The following PPP2R2A variants were observed in gnomAD, a reference collection of about 807,000 sequenced individuals.
PPP2R2A encodes serine/threonine-protein phosphatase 2A 55 kDa regulatory subunit B alpha isoform.
PPP2R2A carries 9 observed loss-of-function variants against 53.2 expected under a neutral mutation model. That is an observed-to-expected ratio of 0.17 (90% confidence interval 0.10 to 0.30). The LOEUF (loss-of-function observed/expected upper bound fraction) is 0.30, where lower values mean the gene tolerates loss of function less well. PPP2R2A is among the 10% of genes least tolerant of loss of function. The pLI is 1.00. For synonymous variants in PPP2R2A, 169 were observed against 174.2 expected, an observed-to-expected ratio of 0.97 and a Z score of 0.23; for missense variants, 235 against 534.6, an observed-to-expected ratio of 0.44 and a Z score of 5.53.
intron 3 of PPP2R2A, among the ~76,000 whole-genome samples, chr8:26,346,352 G>T (rs1272289775): frequency 2.0e-5 from 3 of 152,084 alleles, no homozygotes; most frequent in Non-Finnish European, 4.4e-5. Flanking sequence ...TGCTGACCGG[G>T]CTGGTCTCAA....
At chr8:26,324,647 A>G (rs1803000377) in intron 2 of PPP2R2A, among the ~76,000 whole-genome samples, 1 of 148,924 alleles carries the variant, frequency 6.7e-6, no homozygotes, top group African/African-American at 2.6e-5. Flanking sequence ...TGCCTCGCCA[A>G]GCTGTGAGAA....
At chr8:26,339,151 A>ATGTGTGCATG (rs560459954) in intron 3 of PPP2R2A, among the ~76,000 whole-genome samples, 164 bp downstream of exon 3, 2 of 152,202 alleles carry the variant, frequency 1.3e-5, no homozygotes, top group African/African-American at 2.4e-5. Context: ...TTAGCTTTGT[A>ATGTGTGCATG]TGTGTGCATG....
chr8:26,320,684 T>C (rs1316139337), intron 2 of PPP2R2A, among the ~76,000 whole-genome samples: 1 of 152,210 alleles, frequency 6.6e-6, no homozygotes, highest in Non-Finnish European at 1.5e-5. Context: ...ATATTGTTAG[T>C]GTTGCTGTGC....
chr8:26,338,934 C>T lies in PPP2R2A; in HGVS notation c.127C>T (p.Leu43=). ...AGAATTTAATCATTCTGGAGAATTACTAGCAACAGGAGATAAAGGTGGTAG... is the reference window on the plus strand; with the variant it reads ...AGAATTTAATCATTCTGGAGAATTATTAGCAACAGGAGATAAAGGTGGTAG... ...TVEFNHSGEL[L]ATGDKGGRVV... The change falls in exon 3 of 10, where the codon CTA becomes TTA. Residue 43 remains leucine (L), a synonymous_variant. Coordinates refer to ENST00000380737, the MANE Select transcript of PPP2R2A (RefSeq NM_002717.4). The surrounding 1 kb of genome is among the most constrained non-coding windows in gnomAD (Gnocchi z 4.5). The T allele has an allele frequency of 6.2e-7, 1 of 1,606,536 alleles. No homozygotes were observed. The highest frequency in any genetic ancestry group is 2.2e-5 in the East Asian group (1 of 44,662).
intron 2 of PPP2R2A, among the ~76,000 whole-genome samples, chr8:26,319,737 T>C (rs1382633048): frequency 6.6e-6 from 1 of 152,188 alleles, no homozygotes; most frequent in African/African-American, 2.4e-5. Context: ...TTTTTTTTTA[T>C]TTATACAAAA....
chr8:26,363,541 T>A (rs1297454501), intron 7 of PPP2R2A, 180 bp from the exon 8 acceptor site: 1 of 526,020 alleles, frequency 1.9e-6, no homozygotes, highest in Non-Finnish European at 3.2e-6. Context: ...ACTTCAATAT[T>A]CAATTAAACT....
intron 2 of PPP2R2A, among the ~76,000 whole-genome samples, chr8:26,295,371 A>G (rs1801498063): frequency 6.6e-6 from 1 of 152,238 alleles, no homozygotes. Context: ...AACTTGTGAT[A>G]TACATTAAGT....
intron 2 of PPP2R2A, among the ~76,000 whole-genome samples, chr8:26,302,988 C>G (rs1247406299): frequency 2.0e-5 from 3 of 152,220 alleles, no homozygotes; most frequent in Non-Finnish European, 4.4e-5. Context: ...TTGGTTTAGT[C>G]TGTTCATAGA....
chr8:26,357,920 TAC>T (rs1418281433), intron 4 of PPP2R2A, among the ~76,000 whole-genome samples: 1 of 152,100 alleles, frequency 6.6e-6, no homozygotes, highest in Non-Finnish European at 1.5e-5. Context: ...TAATCTCACA[TAC>T]AGTTTTATGG....
At chr8:26,330,534 T>C (rs1232976495) in intron 2 of PPP2R2A, among the ~76,000 whole-genome samples, 1 of 152,104 alleles carries the variant, frequency 6.6e-6, no homozygotes, top group East Asian at 1.9e-4. Context: ...TTTCATACGT[T>C]GGCCAGACTG....
chr8:26,354,949 A>G lies in PPP2R2A; in HGVS notation c.346+316A>G, dbSNP rs1228277998. Among the ~76,000 whole-genome samples the G allele has an allele frequency of 6.6e-6, 1 of 152,224 alleles. No individual in the cohort carries two copies. The highest frequency in any genetic ancestry group is 6.5e-5 in the Admixed American group (1 of 15,292). On this transcript the variant is annotated intron_variant, in intron 4 of 9. Coordinates refer to ENST00000380737, the MANE Select transcript of PPP2R2A (RefSeq NM_002717.4). This position sits in a 1 kb window ranked among gnomAD's most constrained non-coding sequence, Gnocchi z 4.6. ...ATCTTGGGCAGGTTACTAACACTGAATTGAATTTTCCTCAGCAGCAAACTA... is the reference window on the plus strand; with the variant it reads ...ATCTTGGGCAGGTTACTAACACTGAGTTGAATTTTCCTCAGCAGCAAACTA...
Position 26,372,633 on chromosome 8 carries a change from A to G in PPP2R2A, c.*2220A>G, listed in dbSNP as rs1805702079. On this transcript the variant is annotated 3_prime_UTR_variant, in exon 10 of 10. Transcript: ENST00000380737. ...CTCTAAGCCCAGCCACTCATTTTAC[A>G]TGGCCATGGTTAATCTTTTTATTAA... is the stretch of plus-strand genomic sequence containing the variant. 1 of 152,192 alleles carries G rather than the reference A, an allele frequency of 6.6e-6. No individual in the cohort carries two copies. Among genetic ancestry groups the G allele is most frequent in the Non-Finnish European group, 1.5e-5 (1 of 68,032 alleles). 9.4% of individuals were successfully genotyped at this position (152,192 alleles called of 1,614,324 possible).
chr8:26,340,552 A>C (rs1803889661), intron 3 of PPP2R2A, among the ~76,000 whole-genome samples: 1 of 152,106 alleles, frequency 6.6e-6, no homozygotes, highest in Non-Finnish European at 1.5e-5. Flanking sequence ...TGAGGGTTTC[A>C]GAAAGTCTTC....
At chr8:26,325,391 C>T (rs749655533) in intron 2 of PPP2R2A, among the ~76,000 whole-genome samples, 2 of 151,998 alleles carry the variant, frequency 1.3e-5, no homozygotes, top group Non-Finnish European at 2.9e-5. Flanking sequence ...TTTCACCTCC[C>T]GTCATGATTC....
In PPP2R2A at chr8:26,291,703, C is replaced by A. The variant is rs915117015; in HGVS notation, c.-117C>A. The stretch of plus-strand genomic sequence containing the variant: ...CCCCCCGGCCCCCGTCCCCTCCCCC[C>A]GCAGGTGCCATCCGCCGCCATCCGC... On this transcript the variant is annotated 5_prime_UTR_variant, in exon 1 of 10. Coordinates refer to ENST00000380737, the MANE Select transcript of PPP2R2A (RefSeq NM_002717.4). 8 of 825,154 alleles carry A rather than the reference C, an allele frequency of 9.7e-6. No homozygotes were observed. The highest frequency in any genetic ancestry group is 1.7e-5 in the South Asian group (1 of 60,534). The allele number at this position is 825,154 out of a possible 1,614,324, so 51.1% of individuals were successfully genotyped here. A position where few individuals can be genotyped will look rare whatever the true frequency, so the allele number is the denominator to read the frequency against.
intron 2 of PPP2R2A, among the ~76,000 whole-genome samples, chr8:26,319,038 T>A (rs1340048136): frequency 6.6e-6 from 1 of 152,164 alleles, no homozygotes; most frequent in Non-Finnish European, 1.5e-5. Context: ...CCCCAGCACC[T>A]AGCAACCCCC....
chr8:26,322,684 T>C (rs1262364595), intron 2 of PPP2R2A, among the ~76,000 whole-genome samples: 1 of 152,158 alleles, frequency 6.6e-6, no homozygotes, highest in East Asian at 1.9e-4. Context: ...CTGTATCCTG[T>C]TTCCCAGAAC....
intron 2 of PPP2R2A, among the ~76,000 whole-genome samples, chr8:26,297,476 TTAAA>T (rs1198024526): frequency 1.3e-5 from 2 of 152,214 alleles, no homozygotes; most frequent in African/African-American, 4.8e-5. Flanking sequence ...TCTAGAGGCC[TTAAA>T]TAAAAAATAA....
chr8:26,357,739 A>G (rs1804870122), intron 4 of PPP2R2A, among the ~76,000 whole-genome samples: 1 of 151,930 alleles, frequency 6.6e-6, no homozygotes, highest in African/African-American at 2.4e-5. Flanking sequence ...TTCCCTGCTC[A>G]TACCTCTCAT....
Sources: gnomAD v4.1 joint callset for allele counts (sites outside exome capture counted in the v4.1 genomes callset) on GRCh38, gnomAD v4.1.1 for gene constraint, Gnocchi (gnomAD v3.1) non-coding constraint, MANE v1.5 for transcripts, NCBI Gene and HGNC (gene_info 2026-07-23, HGNC 2026-07-21) for gene names.